SPTLC2: variants seen among roughly 807,000 people sequenced by gnomAD.
SPTLC2 encodes serine palmitoyltransferase long chain base subunit 2.
SPTLC2 carries 21 observed loss-of-function variants against 62.0 expected under a neutral mutation model. That is an observed-to-expected ratio of 0.34 (90% CI 0.24 to 0.49). The LOEUF (loss-of-function observed/expected upper bound fraction) is 0.49, where lower values mean the gene tolerates loss of function less well. SPTLC2 is among the 20% of genes least tolerant of loss of function. The probability of loss-of-function intolerance (pLI) is 0.99; values close to 1 mark genes in which losing one functional copy is unlikely to be tolerated. For synonymous variants in SPTLC2, 261 were observed against 261.8 expected (o/e 1.00, Z 0.03); for missense variants, 511 against 713.0 (o/e 0.72, Z 3.23).
intron 2 of SPTLC2, among the ~76,000 whole-genome samples, chr14:77,590,799 G>A (rs1314681434): frequency 6.6e-6 from 1 of 152,172 alleles, no homozygotes; most frequent in Non-Finnish European, 1.5e-5. Context: ...AAAAGGAAAG[G>A]GGGAGACATG....
intron 9 of SPTLC2, among the ~76,000 whole-genome samples, chr14:77,536,921 A>G (rs1359074769): frequency 6.9e-6 from 1 of 144,368 alleles, no homozygotes; most frequent in African/African-American, 2.6e-5. Flanking sequence ...GTATTCCCCC[A>G]CCCCCCCACT....
At chr14:77,539,483 C>CTTTTTTTTTT (rs71128638) in intron 9 of SPTLC2, among the ~76,000 whole-genome samples, 1 of 53,484 alleles carries the variant, frequency 1.9e-5, no homozygotes, top group Non-Finnish European at 3.5e-5. Context: ...TCTTAAGAGG[C>CTTTTTTTTTT]TTTTTTTTTT....
intron 4 of SPTLC2, 52 bp downstream of exon 4, chr14:77,576,715 T>G: frequency 6.2e-7 from 1 of 1,613,638 alleles, no homozygotes; most frequent in Non-Finnish European, 8.5e-7. Flanking sequence ...TATTTGCCCC[T>G]GACTAAAACA....
rs933472575 is a variant in SPTLC2, at chr14:77,507,052, A to G, written c.*5232T>C. 4 of 152,208 alleles carry G rather than the reference A, an allele frequency of 2.6e-5. No individual in the cohort carries two copies. The highest frequency in any genetic ancestry group is 5.9e-5 in the Non-Finnish European group (4 of 68,068). The allele number at this position is 152,208 out of a possible 1,614,324, so 9.4% of individuals were successfully genotyped here. ...CCCCAGCTCCACCAAGCCACTCCCAAGGGTGGACTGTGAATGTGACACTTC... is the reference window on the plus strand; with the variant it reads ...CCCCAGCTCCACCAAGCCACTCCCAGGGGTGGACTGTGAATGTGACACTTC... On this transcript the variant is annotated 3_prime_UTR_variant, in exon 12 of 12. Transcript: ENST00000216484.
intron 6 of SPTLC2, among the ~76,000 whole-genome samples, chr14:77,560,938 G>A (rs2079611746): frequency 6.6e-6 from 1 of 151,214 alleles, no homozygotes; most frequent in African/African-American, 2.4e-5. Flanking sequence ...TTACCTGGGT[G>A]GCGAAATAAT....
intron 9 of SPTLC2, among the ~76,000 whole-genome samples, chr14:77,546,886 C>T (rs1025121566): frequency 2.6e-5 from 4 of 152,212 alleles, no homozygotes; most frequent in African/African-American, 7.2e-5. Context: ...TGCGCCACCA[C>T]GCCCAGCTAA....
intron 9 of SPTLC2, among the ~76,000 whole-genome samples, chr14:77,525,498 G>A (rs148630714): frequency 0.023 from 3,451 of 152,080 alleles, 107 homozygotes; most frequent in African/African-American, 0.079. Context: ...GCTGAGGCAG[G>A]AGAATTGCTT....
At chr14:77,518,581 A>G (rs2079370403) in intron 10 of SPTLC2, among the ~76,000 whole-genome samples, 1 of 123,834 alleles carries the variant, frequency 8.1e-6, no homozygotes, top group Non-Finnish European at 1.7e-5. Flanking sequence ...TGAGCAACAG[A>G]GCAAGGCTCT....
intron 6 of SPTLC2, among the ~76,000 whole-genome samples, chr14:77,559,286 G>A (rs2079602101): frequency 6.6e-6 from 1 of 152,134 alleles, no homozygotes; most frequent in Non-Finnish European, 1.5e-5. Context: ...TCACGCCACT[G>A]CCCTCCAGCC....
At chr14:77,513,015 A>ATTTTTTTTTTTTTTT (rs1594965084) in intron 11 of SPTLC2, among the ~76,000 whole-genome samples, 1 of 38,816 alleles carries the variant, frequency 2.6e-5, no homozygotes. Flanking sequence ...GAACCCAGCA[A>ATTTTTTTTTTTTTTT]CTTTTTTTTT....
chr14:77,561,279 TAG>T (rs1178946117), intron 6 of SPTLC2, among the ~76,000 whole-genome samples: 2 of 151,982 alleles, frequency 1.3e-5, no homozygotes, highest in Non-Finnish European at 2.9e-5. Context: ...AAGAATGAGA[TAG>T]AGTTACATGT....
chr14:77,523,454 G>A (rs1221809838), intron 9 of SPTLC2, among the ~76,000 whole-genome samples: 1 of 152,168 alleles, frequency 6.6e-6, no homozygotes, highest in African/African-American at 2.4e-5. Flanking sequence ...GCTAGAATTT[G>A]TTGGGCAGTG....
intron 1 of SPTLC2, among the ~76,000 whole-genome samples, chr14:77,603,292 C>T (rs1398135236): frequency 6.6e-6 from 1 of 152,204 alleles, no homozygotes. Flanking sequence ...CTAATGTGAA[C>T]CACCCATTAT....
intron 9 of SPTLC2, among the ~76,000 whole-genome samples, chr14:77,536,667 T>C (rs2079472725): frequency 6.6e-6 from 1 of 152,094 alleles, no homozygotes; most frequent in African/African-American, 2.4e-5. Flanking sequence ...ATATAATTTA[T>C]TCCAAAGCCA....
chr14:77,584,796 G>GACACACAC (rs149917156), intron 2 of SPTLC2, among the ~76,000 whole-genome samples: 6,515 of 151,736 alleles, frequency 0.043, 466 homozygotes, highest in African/African-American at 0.15. Context: ...AAGACACACA[G>GACACACAC]ACACACACAC....
At position 77,512,303 on chromosome 14, in the gene SPTLC2, T is replaced by C; in HGVS notation, c.1670A>G (p.Tyr557Cys). ...AAAGGCTCAGTCTTCTGTTTCTTCA[T>C]ACGTCGTCTCGTCAAAGGGCCTGTC... ...LLDRPFDETTYEETED is the reference protein window; with the variant it reads ...LLDRPFDETTCEETED Residue 557 changes from tyrosine to cysteine, a missense_variant, in exon 12 of 12, where the codon TAT becomes TGT. Tyr to Cys is a radical substitution (Grantham distance 194, BLOSUM62 -2). Transcript: ENST00000216484. 1 of 1,614,158 alleles carries C rather than the reference T, an allele frequency of 6.2e-7. No individual in the cohort carries two copies. The highest frequency in any genetic ancestry group is 1.1e-5 in the South Asian group (1 of 91,084).
intron 5 of SPTLC2, among the ~76,000 whole-genome samples, chr14:77,566,088 T>C (rs115050527): frequency 0.014 from 2,115 of 152,182 alleles, 64 homozygotes; most frequent in African/African-American, 0.048. Context: ...CGCACAAAAT[T>C]TTATTTTCTT....
intron 8 of SPTLC2, among the ~76,000 whole-genome samples, chr14:77,552,995 A>G (rs1377063066): frequency 2.6e-5 from 4 of 152,146 alleles, no homozygotes; most frequent in African/African-American, 9.7e-5. Flanking sequence ...CTTTAAGAGC[A>G]TTAGAACTTC....
intron 9 of SPTLC2, among the ~76,000 whole-genome samples, chr14:77,526,479 T>A (rs973675895): frequency 6.6e-6 from 1 of 152,210 alleles, no homozygotes; most frequent in Non-Finnish European, 1.5e-5. Flanking sequence ...ATAAAAAGCA[T>A]AAAAGCAATT....
Sources: allele counts gnomAD v4.1 joint callset (sites outside exome capture counted in the v4.1 genomes callset), GRCh38; gene constraint gnomAD v4.1.1; transcripts MANE v1.5; gene names NCBI Gene and HGNC (gene_info 2026-07-23, HGNC 2026-07-21).